The following MAGI2 variants were observed in gnomAD, a reference collection of about 807,000 sequenced individuals.
MAGI2 encodes the protein membrane-associated guanylate kinase, WW and PDZ domain-containing protein 2.
A neutral mutation model predicts 133.3 loss-of-function variants in MAGI2; 35 were observed. That is an observed-to-expected ratio of 0.26 (90% CI 0.20 to 0.35). The LOEUF is 0.35. Ranked by LOEUF, MAGI2 falls within the 10% of genes least tolerant of loss-of-function variation. MAGI2 has a pLI of 1.00. For synonymous variants in MAGI2, 729 were observed against 710.6 expected, an observed-to-expected ratio of 1.03 and a Z score of -0.41; for missense variants, 1,636 against 1,863.4, an observed-to-expected ratio of 0.88 and a Z score of 2.25.
chr7:79,227,853 C>A (rs1734612364), intron 1 of MAGI2, among the ~76,000 whole-genome samples: 1 of 152,128 alleles, frequency 6.6e-6, no homozygotes, highest in African/African-American at 2.4e-5. Context: ...CTTGGTTGCT[C>A]CTCACACTTC....
intron 2 of MAGI2, among the ~76,000 whole-genome samples, chr7:78,813,491 A>C (rs13229955): frequency 0.071 from 10,840 of 152,256 alleles, 538 homozygotes; most frequent in Non-Finnish European, 0.11. Flanking sequence ...TTATGAGCAA[A>C]ACTATCAGCA....
chr7:78,928,710 T>C (rs1398934267), intron 2 of MAGI2, among the ~76,000 whole-genome samples: 2 of 152,058 alleles, frequency 1.3e-5, no homozygotes, highest in East Asian at 3.9e-4. Flanking sequence ...ATATGATATC[T>C]TCCCATTGAA....
At chr7:78,164,991 C>T (rs923201100) in intron 15 of MAGI2, among the ~76,000 whole-genome samples, 1 of 152,168 alleles carries the variant, frequency 6.6e-6, no homozygotes, top group African/African-American at 2.4e-5. Flanking sequence ...GGCATCTTCT[C>T]TCAAAACTAA....
chr7:79,349,090 G>A (rs1046933889), intron 1 of MAGI2, among the ~76,000 whole-genome samples: 1 of 151,816 alleles, frequency 6.6e-6, no homozygotes, highest in Non-Finnish European at 1.5e-5. Flanking sequence ...CATAAAAGAG[G>A]CTATCTTTAA....
chr7:79,356,181 G>A (rs957522793), intron 1 of MAGI2, among the ~76,000 whole-genome samples: 1 of 152,098 alleles, frequency 6.6e-6, no homozygotes, highest in African/African-American at 2.4e-5. Context: ...AATTCATAAA[G>A]CATAATTGTT....
At chr7:78,282,260 T>G (rs1345105194) in intron 9 of MAGI2, among the ~76,000 whole-genome samples, 1 of 152,154 alleles carries the variant, frequency 6.6e-6, no homozygotes, top group African/African-American at 2.4e-5. Context: ...CTGGTTCTTC[T>G]ACCACTCGGA....
At chr7:78,406,606 T>A (rs766536885) in intron 6 of MAGI2, among the ~76,000 whole-genome samples, 1 of 152,078 alleles carries the variant, frequency 6.6e-6, no homozygotes, top group Non-Finnish European at 1.5e-5. Flanking sequence ...AGCCACCTCA[T>A]AGATTGCTAT....
intron 9 of MAGI2, among the ~76,000 whole-genome samples, chr7:78,315,525 C>T (rs934320377): frequency 1.3e-5 from 2 of 151,970 alleles, no homozygotes; most frequent in Non-Finnish European, 2.9e-5. Flanking sequence ...CCACTGAGCC[C>T]AACTAAATCA....
intron 3 of MAGI2, among the ~76,000 whole-genome samples, chr7:78,540,888 A>C (rs1434883186): frequency 1.2e-4 from 18 of 152,190 alleles, no homozygotes; most frequent in Admixed American, 1.2e-3. Context: ...CCCCAGCGAG[A>C]TGTGTGTTTG....
chr7:78,564,465 G>T (rs78812560), intron 3 of MAGI2, among the ~76,000 whole-genome samples: 45 of 152,260 alleles, frequency 3.0e-4, no homozygotes, highest in African/African-American at 9.1e-4. Context: ...CTTCAATGCT[G>T]ACAAAGTTTC....
intron 2 of MAGI2, among the ~76,000 whole-genome samples, chr7:78,971,173 C>A (rs1321410090): frequency 6.6e-6 from 1 of 152,022 alleles, no homozygotes; most frequent in African/African-American, 2.4e-5. Flanking sequence ...CTCCTGAAAT[C>A]AGTAAGTGTG....
At chr7:78,866,904 A>G (rs561646510) in intron 2 of MAGI2, among the ~76,000 whole-genome samples, 2 of 152,278 alleles carry the variant, frequency 1.3e-5, no homozygotes, top group Non-Finnish European at 2.9e-5. Flanking sequence ...ACTTCTCAAA[A>G]GAAGACATTT....
At chr7:78,793,891 A>C (rs977772421) in intron 2 of MAGI2, among the ~76,000 whole-genome samples, 6 of 152,210 alleles carry the variant, frequency 3.9e-5, no homozygotes, top group Non-Finnish European at 8.8e-5. Context: ...CATTGATAGA[A>C]TCCATGAAGA....
chr7:78,441,809 A>G (rs911618274), intron 6 of MAGI2, among the ~76,000 whole-genome samples: 6 of 152,180 alleles, frequency 3.9e-5, no homozygotes, highest in Non-Finnish European at 7.3e-5. Flanking sequence ...GAATGAAATA[A>G]TTAACATTTC....
At chr7:78,044,821 T>C (rs2151093337) in intron 21 of MAGI2, among the ~76,000 whole-genome samples, 1 of 152,194 alleles carries the variant, frequency 6.6e-6, no homozygotes, top group East Asian at 1.9e-4. Context: ...AAAGGCCAAA[T>C]GTGAATAGAA....
intron 2 of MAGI2, among the ~76,000 whole-genome samples, chr7:78,671,531 T>C (rs933339679): frequency 4.6e-5 from 7 of 152,094 alleles, no homozygotes; most frequent in African/African-American, 1.7e-4. Context: ...TGCTGCAAAA[T>C]TGGTTGATGT....
intron 2 of MAGI2, among the ~76,000 whole-genome samples, chr7:78,743,581 T>C (rs1217652474): frequency 6.6e-6 from 1 of 152,166 alleles, no homozygotes; most frequent in African/African-American, 2.4e-5. Flanking sequence ...GACTGTAACC[T>C]CCTTGATGAC....
At chr7:78,242,534 CT>C (rs1279783789) in intron 10 of MAGI2, among the ~76,000 whole-genome samples, 2 of 152,160 alleles carry the variant, frequency 1.3e-5, no homozygotes, top group Non-Finnish European at 2.9e-5. Flanking sequence ...GTCATATATG[CT>C]TTTTTGCTGC....
intron 1 of MAGI2, among the ~76,000 whole-genome samples, chr7:79,063,055 A>G (rs1391727832): frequency 6.6e-6 from 1 of 152,098 alleles, no homozygotes; most frequent in East Asian, 1.9e-4. Context: ...ACAAACCCTA[A>G]ATCTAAAATT....
Sources: allele counts gnomAD v4.1 joint callset (sites outside exome capture counted in the v4.1 genomes callset), GRCh38; gene constraint gnomAD v4.1.1; transcripts MANE v1.5; gene names NCBI Gene and HGNC (gene_info 2026-07-23, HGNC 2026-07-21).